ARHGAP22: variants seen among roughly 807,000 people sequenced by gnomAD.
The protein encoded by ARHGAP22 is rho GTPase-activating protein 22.
In ARHGAP22, 48 loss-of-function variants were observed where a neutral mutation model predicts 59.1. That is an observed-to-expected ratio of 0.81 (90% CI 0.64 to 1.03). The LOEUF is 1.03. Ranked by LOEUF, ARHGAP22 falls within the 50% of genes least tolerant of loss-of-function variation. The pLI is 0.00. For synonymous variants in ARHGAP22, 445 were observed against 416.4 expected (o/e 1.07, Z -0.84); for missense variants, 1,015 against 958.7 (o/e 1.06, Z -0.78).
At chr10:48,454,030 T>G in intron 7 of ARHGAP22, 58 bp downstream of exon 7, 1 of 1,535,868 alleles carries the variant, frequency 6.5e-7, no homozygotes, top group Non-Finnish European at 9.0e-7. Flanking sequence ...CGCTGTGGGG[T>G]TGGGGGAGCG....
chr10:48,558,019 G>T (rs567083191), intron 2 of ARHGAP22, among the ~76,000 whole-genome samples: 2 of 152,224 alleles, frequency 1.3e-5, no homozygotes, highest in African/African-American at 4.8e-5. Context: ...AAAACACAGA[G>T]AGTCTGGTGT....
intron 2 of ARHGAP22, among the ~76,000 whole-genome samples, chr10:48,563,912 C>G (rs1003210246): frequency 6.6e-6 from 1 of 152,062 alleles, no homozygotes; most frequent in African/African-American, 2.4e-5. Flanking sequence ...AAATAAAAGA[C>G]AACCCAATAG....
upstream of ARHGAP22, among the ~76,000 whole-genome samples, chr10:48,654,813 TCTTTCTTTCTTTCTTC>T (rs1565068734): frequency 4.2e-5 from 4 of 95,154 alleles, no homozygotes; most frequent in South Asian, 3.5e-4. Context: ...TTTCTTTCTT[TCTTTCTTTCTTTCTTC>T]CTTCCTTCCT....
chr10:48,502,934 G>C (rs571989333), intron 3 of ARHGAP22, among the ~76,000 whole-genome samples: 2 of 152,182 alleles, frequency 1.3e-5, no homozygotes, highest in Admixed American at 6.5e-5. Flanking sequence ...GAAGGATCCC[G>C]GGGGCCTACT....
At chr10:48,496,807 A>G (rs940206736) in intron 3 of ARHGAP22, among the ~76,000 whole-genome samples, 3 of 152,130 alleles carry the variant, frequency 2.0e-5, no homozygotes, top group Non-Finnish European at 2.9e-5. Flanking sequence ...ATCTTGCCCT[A>G]TGGAGTTCAC....
the ARHGAP22 span, chr10:48,435,887 G>A: frequency 1.3e-5 from 2 of 152,218 alleles, no homozygotes; most frequent in Non-Finnish European, 2.9e-5. Context: ...TACTAGCTAT[G>A]AGCCTGTTTT....
At position 48,573,938 on chromosome 10, in the gene ARHGAP22, T is replaced by C. The variant is rs142224166; in HGVS notation, c.234+9015A>G. Reference sequence around the variant, plus strand: ...TTTTGAGCCCCACATTCTCTACCAGTACAGTGGAAATTGATTGTGCCTGGC... The same window carrying C: ...TTTTGAGCCCCACATTCTCTACCAGCACAGTGGAAATTGATTGTGCCTGGC... On this transcript the variant is annotated intron_variant, in intron 2 of 9. Coordinates refer to ENST00000249601, the MANE Select transcript of ARHGAP22 (RefSeq NM_021226.4). Among the ~76,000 whole-genome samples the C allele has an allele frequency of 3.6e-3, 551 of 152,364 alleles. 3 individuals are homozygous for C. The highest frequency in any genetic ancestry group is 0.013 in the African/African-American group (520 of 41,586).
chr10:48,484,273 T>C (rs1231144578), intron 3 of ARHGAP22, among the ~76,000 whole-genome samples: 1 of 152,256 alleles, frequency 6.6e-6, no homozygotes, highest in African/African-American at 2.4e-5. Flanking sequence ...TATATCTTTT[T>C]AGTGTGTTAA....
chr10:48,504,730 A>G (rs1480608329), intron 3 of ARHGAP22, among the ~76,000 whole-genome samples: 2 of 152,094 alleles, frequency 1.3e-5, no homozygotes, highest in African/African-American at 4.8e-5. Flanking sequence ...CTTAGATAGG[A>G]AGTTCTGGCA....
chr10:48,590,807 C>G (rs1360575357), intron 1 of ARHGAP22, among the ~76,000 whole-genome samples: 2 of 137,226 alleles, frequency 1.5e-5, no homozygotes, highest in Non-Finnish European at 3.1e-5. Flanking sequence ...ATTGCTTCCT[C>G]TTGGGGTGAG....
intron 7 of ARHGAP22, 37 bp downstream of exon 7, chr10:48,454,051 G>A (rs1353456092): frequency 3.1e-6 from 5 of 1,594,820 alleles, no homozygotes; most frequent in Non-Finnish European, 2.6e-6. Context: ...TGGAGCCAGT[G>A]CAGGAAAGTG....
intron 8 of ARHGAP22, chr10:48,451,516 C>T (rs10776601): frequency 0.86 from 606,469 of 702,222 alleles, 265,084 homozygotes; most frequent in East Asian, 0.99. Context: ...GGCTGCCCCA[C>T]GTCACCCCTC....
intron 4 of ARHGAP22, among the ~76,000 whole-genome samples, chr10:48,471,227 G>T (rs1298550085): frequency 6.6e-6 from 1 of 152,124 alleles, no homozygotes; most frequent in East Asian, 1.9e-4. Context: ...GGGCAGTGCA[G>T]TTCCGATGAT....
chr10:48,473,059 C>G (rs2048374189), intron 4 of ARHGAP22, among the ~76,000 whole-genome samples: 1 of 152,188 alleles, frequency 6.6e-6, no homozygotes, highest in African/African-American at 2.4e-5. Context: ...TTCACAGCAG[C>G]ATTATTCACA....
chr10:48,504,357 C>T (rs2051851594), intron 3 of ARHGAP22, among the ~76,000 whole-genome samples: 1 of 152,144 alleles, frequency 6.6e-6, no homozygotes, highest in African/African-American at 2.4e-5. Flanking sequence ...GGATGCTGTG[C>T]TTGACATATG....
intron 1 of ARHGAP22, among the ~76,000 whole-genome samples, chr10:48,625,298 G>A (rs533995530): frequency 1.1e-4 from 17 of 152,130 alleles, no homozygotes; most frequent in Non-Finnish European, 2.4e-4. Context: ...GAGACTGTGT[G>A]CCAGGGAACT....
chr10:48,430,992 T>C, the ARHGAP22 span: 3 of 596,836 alleles, frequency 5.0e-6, no homozygotes, highest in Non-Finnish European at 8.9e-6. Flanking sequence ...TACTTCCTTT[T>C]AATATGATCC....
At chr10:48,603,469 A>T (rs935798800) in intron 1 of ARHGAP22, among the ~76,000 whole-genome samples, 12 of 152,216 alleles carry the variant, frequency 7.9e-5, no homozygotes, top group Non-Finnish European at 1.8e-4. Flanking sequence ...GAGATATTGT[A>T]CATTCTTTTT....
At chr10:48,628,456 C>T (rs1031597516) in intron 1 of ARHGAP22, among the ~76,000 whole-genome samples, 31 of 152,184 alleles carry the variant, frequency 2.0e-4, no homozygotes, top group African/African-American at 6.8e-4. Flanking sequence ...GGTTGAGTAA[C>T]ACCAGGTGGC....
Sources: allele counts gnomAD v4.1 joint callset (sites outside exome capture counted in the v4.1 genomes callset), GRCh38; gene constraint gnomAD v4.1.1; transcripts MANE v1.5; gene names NCBI Gene and HGNC (gene_info 2026-07-23, HGNC 2026-07-21).